Variants in EPHA6 observed in about 807,000 individuals in gnomAD.
The protein encoded by EPHA6 is ephrin type-A receptor 6.
A neutral mutation model predicts 112.0 loss-of-function variants in EPHA6; 50 were observed. The ratio of observed to expected loss-of-function variants is 0.45; its 90% CI spans 0.36 to 0.56. The LOEUF (loss-of-function observed/expected upper bound fraction) is 0.56, where lower values mean the gene tolerates loss of function less well. Among genes scored for constraint, EPHA6 ranks in the 20% least tolerant of loss-of-function variants. EPHA6 has a pLI of 0.00. For missense variants in EPHA6, 1,280 were observed against 1,417.4 expected (o/e 0.90, Z 1.56); for synonymous variants, 529 against 490.7 (o/e 1.08, Z -1.03).
intron 15 of EPHA6, 82 bp downstream of exon 15, chr3:97,720,492 C>T (rs2034477166): frequency 1.6e-6 from 2 of 1,285,636 alleles, no homozygotes; most frequent in Non-Finnish European, 1.1e-6. Flanking sequence ...TTTGTCCTCA[C>T]TCAGATTGGC....
At chr3:97,209,605 T>A (rs1052523126) in intron 3 of EPHA6, among the ~76,000 whole-genome samples, 12 of 152,242 alleles carry the variant, frequency 7.9e-5, no homozygotes, top group African/African-American at 2.9e-4. Context: ...TAAAAATGTA[T>A]GCTTTCCTTG....
At chr3:97,422,438 T>C (rs1299623255) in intron 6 of EPHA6, among the ~76,000 whole-genome samples, 3 of 151,986 alleles carry the variant, frequency 2.0e-5, no homozygotes, top group African/African-American at 7.2e-5. Context: ...AACACTGGAG[T>C]ACCCAGATTC....
At chr3:97,179,548 GTGATC>G (rs1372676362) in intron 3 of EPHA6, among the ~76,000 whole-genome samples, 1 of 152,044 alleles carries the variant, frequency 6.6e-6, no homozygotes. Context: ...CTTGGGTGTT[GTGATC>G]TAACTAGTAC....
intron 5 of EPHA6, among the ~76,000 whole-genome samples, chr3:97,312,855 A>G (rs2081625912): frequency 6.6e-6 from 1 of 151,272 alleles, no homozygotes; most frequent in South Asian, 2.1e-4. Context: ...TCAGGAAGAA[A>G]CTCCCAGTTA....
chr3:96,905,089 T>A (rs1338912760), intron 2 of EPHA6, among the ~76,000 whole-genome samples: 1 of 152,088 alleles, frequency 6.6e-6, no homozygotes, highest in Admixed American at 6.6e-5. Flanking sequence ...ATGTGACATG[T>A]GTTTTAAAAT....
In EPHA6 at chr3:97,502,635, C is replaced by A. The variant is rs191000822; in HGVS notation, c.2200+18576C>A. ...GGATCACGAGGTCAGGAGATCGAGA[C>A]CATCCTGGCCAACATGGTGAAACCC... On this transcript the variant is annotated intron_variant, in intron 10 of 17. Transcript: ENST00000389672. Among the ~76,000 whole-genome samples the A allele has an allele frequency of 4.1e-3, 624 of 151,388 alleles. 10 individuals are homozygous for A. The highest frequency in any genetic ancestry group is 0.014 in the African/African-American group (566 of 41,228).
intron 3 of EPHA6, among the ~76,000 whole-genome samples, chr3:97,057,420 T>A (rs1025650995): frequency 2.6e-5 from 4 of 152,202 alleles, no homozygotes; most frequent in Non-Finnish European, 1.5e-5. Flanking sequence ...GTCTCCCTCT[T>A]CATGTGGTCT....
At chr3:97,518,190 G>A (rs374420937) in intron 10 of EPHA6, among the ~76,000 whole-genome samples, 7 of 152,002 alleles carry the variant, frequency 4.6e-5, no homozygotes, top group Non-Finnish European at 8.8e-5. Flanking sequence ...TGCTGTATTC[G>A]TGTACATTCC....
At chr3:97,065,754 A>C (rs1398217674) in intron 3 of EPHA6, among the ~76,000 whole-genome samples, 1 of 152,086 alleles carries the variant, frequency 6.6e-6, no homozygotes, top group African/African-American at 2.4e-5. Flanking sequence ...ACATGTTATA[A>C]TTTTAATTCA....
intron 5 of EPHA6, among the ~76,000 whole-genome samples, chr3:97,359,424 C>G (rs139780870): frequency 4.2e-4 from 61 of 146,810 alleles, no homozygotes; most frequent in Admixed American, 8.1e-4. Context: ...AAATTACTTT[C>G]TTGATATTTC....
intron 14 of EPHA6, among the ~76,000 whole-genome samples, chr3:97,706,988 G>A (rs1213129023): frequency 6.6e-6 from 1 of 152,102 alleles, no homozygotes; most frequent in Non-Finnish European, 1.5e-5. Flanking sequence ...TCAAGACTAA[G>A]GGAATGAATG....
intron 3 of EPHA6, among the ~76,000 whole-genome samples, chr3:97,179,392 G>T (rs533998844): frequency 3.3e-5 from 5 of 152,114 alleles, no homozygotes; most frequent in African/African-American, 1.2e-4. Flanking sequence ...CATTTGATGA[G>T]GTCATGGTTT....
At chr3:96,945,155 A>G (rs1207731343) in intron 2 of EPHA6, among the ~76,000 whole-genome samples, 1 of 152,166 alleles carries the variant, frequency 6.6e-6, no homozygotes, top group Non-Finnish European at 1.5e-5. Flanking sequence ...CCAGAATTTG[A>G]TTGACTTTTA....
Position 97,310,411 on chromosome 3 carries a change from A to G in EPHA6, c.1606+66124A>G, listed in dbSNP as rs541066016. Among the ~76,000 whole-genome samples the G allele has an allele frequency of 2.8e-4, 43 of 151,616 alleles. 1 individual carries two copies. Among genetic ancestry groups the G allele is most frequent in the African/African-American group, 7.7e-4 (32 of 41,474 alleles). ...AGAGACTGAGATGAAAATGAATTTC[A>G]TGAAGTATACCTGAGTCTCGAATAA... On this transcript the variant is annotated intron_variant, in intron 5 of 17. Transcript: ENST00000389672.
At chr3:96,844,288 T>C (rs1169721637) in intron 1 of EPHA6, among the ~76,000 whole-genome samples, 1 of 152,034 alleles carries the variant, frequency 6.6e-6, no homozygotes, top group African/African-American at 2.4e-5. Flanking sequence ...GTTGAAGTTA[T>C]TGTGTACCTC....
At chr3:96,980,185 G>A (rs2042704909) in intron 2 of EPHA6, among the ~76,000 whole-genome samples, 2 of 152,152 alleles carry the variant, frequency 1.3e-5, no homozygotes, top group Non-Finnish European at 2.9e-5. Context: ...ATGGCTTTAG[G>A]TCAAACATTT....
rs149896452 is a variant in EPHA6, at chr3:97,496,370, C to A, written c.2200+12311C>A. Among the ~76,000 whole-genome samples, 999 of 152,198 alleles carry A rather than the reference C, an allele frequency of 6.6e-3. 12 individuals carry two copies. Among genetic ancestry groups the A allele is most frequent in the African/African-American group, 0.022 (916 of 41,524 alleles). ...ATGAGCTTTACATGCATTATTATTT[C>A]TTTTATCATCACAAACCTATAAATC... On this transcript the variant is annotated intron_variant, in intron 10 of 17. Coordinates refer to ENST00000389672, the MANE Select transcript of EPHA6 (RefSeq NM_001080448.3).
chr3:96,988,025 GC>G (rs2043084134), intron 3 of EPHA6, 32 bp downstream of exon 3: 1 of 1,481,612 alleles, frequency 6.7e-7, no homozygotes, highest in African/African-American at 1.4e-5. Context: ...AATTTATCTT[GC>G]ATTTAAATGA....
At chr3:96,883,472 G>A (rs1211473153) in intron 2 of EPHA6, among the ~76,000 whole-genome samples, 1 of 152,120 alleles carries the variant, frequency 6.6e-6, no homozygotes, top group East Asian at 1.9e-4. Flanking sequence ...TGGGTTCATG[G>A]TCATGAAATC....
Sources: gnomAD v4.1 joint callset for allele counts (sites outside exome capture counted in the v4.1 genomes callset) on GRCh38, gnomAD v4.1.1 for gene constraint, MANE v1.5 for transcripts, NCBI Gene and HGNC (gene_info 2026-07-23, HGNC 2026-07-21) for gene names.